The following CPNE4 variants were observed in gnomAD, a reference collection of about 807,000 sequenced individuals.
The protein encoded by CPNE4 is copine 4, also known as copine-4.
In CPNE4, 25 loss-of-function variants were observed where a neutral mutation model predicts 67.9. The observed-to-expected ratio is 0.37, with a 90% CI of 0.27 to 0.51. The LOEUF (loss-of-function observed/expected upper bound fraction) is 0.51. Among genes scored for constraint, CPNE4 ranks in the 20% least tolerant of loss-of-function variants. CPNE4 has a pLI of 0.93. For missense variants in CPNE4, 464 were observed against 690.8 expected (o/e 0.67, Z 3.68); for synonymous variants, 242 against 244.9 (o/e 0.99, Z 0.11).
chr3:131,789,626 T>C (rs753395924), intron 2 of CPNE4, among the ~76,000 whole-genome samples: 20 of 152,188 alleles, frequency 1.3e-4, no homozygotes, highest in Non-Finnish European at 2.5e-4. Context: ...ACTATGTCAC[T>C]GTTTGCTATG....
chr3:131,815,650 T>TTGGA (rs963635377), intron 2 of CPNE4, among the ~76,000 whole-genome samples: 9 of 152,300 alleles, frequency 5.9e-5, no homozygotes, highest in African/African-American at 2.2e-4. Context: ...AGACAAGGTG[T>TTGGA]TGGAACAAAG....
At chr3:131,664,084 T>G (rs2080200000) in intron 7 of CPNE4, among the ~76,000 whole-genome samples, 1 of 152,168 alleles carries the variant, frequency 6.6e-6, no homozygotes, top group Non-Finnish European at 1.5e-5. Flanking sequence ...TCCATGTTAC[T>G]TGTGTGGTTT....
intron 7 of CPNE4, among the ~76,000 whole-genome samples, chr3:131,647,244 A>G (rs2079689642): frequency 6.6e-6 from 1 of 152,240 alleles, no homozygotes; most frequent in East Asian, 1.9e-4. Flanking sequence ...TTTAGAATAC[A>G]TAAGATATAT....
chr3:131,579,798 G>C (rs1405210125), intron 9 of CPNE4, among the ~76,000 whole-genome samples: 1 of 152,166 alleles, frequency 6.6e-6, no homozygotes. Context: ...GAATGGATGA[G>C]GAGTTAATTC....
In CPNE4 at chr3:131,534,433, C is replaced by T. The variant is rs1302487231; in HGVS notation, c.*762G>A. On this transcript the variant is annotated 3_prime_UTR_variant, in exon 16 of 16. Coordinates refer to ENST00000429747, the MANE Select transcript of CPNE4 (RefSeq NM_130808.3). The stretch of plus-strand genomic sequence containing the variant: ...CATGACACCCTAAAGTCTAGATCCT[C>T]ACTCCTCTTGGTATAGTCCAGGGAC... The T allele has an allele frequency of 1.3e-5, 2 of 152,214 alleles. No homozygotes were observed. Among genetic ancestry groups the T allele is most frequent in the East Asian group, 3.9e-4 (2 of 5,190 alleles). 9.4% of individuals were successfully genotyped at this position (152,214 alleles called of 1,614,324 possible).
At chr3:131,682,997 T>G (rs1366738107) in intron 6 of CPNE4, among the ~76,000 whole-genome samples, 1 of 151,998 alleles carries the variant, frequency 6.6e-6, no homozygotes, top group Non-Finnish European at 1.5e-5. Context: ...CAGCTTGTGG[T>G]GAATGCTCCC....
chr3:131,977,658 A>T (rs2072699827), intron 1 of CPNE4, among the ~76,000 whole-genome samples: 2 of 152,114 alleles, frequency 1.3e-5, no homozygotes, highest in Admixed American at 6.6e-5. Flanking sequence ...TTTTTTAAAA[A>T]TTTTCCTACA....
At chr3:131,666,500 T>A (rs2080266206) in intron 7 of CPNE4, among the ~76,000 whole-genome samples, 1 of 152,158 alleles carries the variant, frequency 6.6e-6, no homozygotes, top group Non-Finnish European at 1.5e-5. Flanking sequence ...GCAAGGACGT[T>A]ATCAAGCAAG....
chr3:131,843,948 T>C (rs1156434582), intron 2 of CPNE4, among the ~76,000 whole-genome samples: 1 of 152,166 alleles, frequency 6.6e-6, no homozygotes, highest in Non-Finnish European at 1.5e-5. Context: ...AATATGGCCT[T>C]AACACACACA....
At chr3:131,745,900 C>A (rs986479089) in intron 2 of CPNE4, among the ~76,000 whole-genome samples, 3 of 152,022 alleles carry the variant, frequency 2.0e-5, no homozygotes, top group Admixed American at 6.5e-5. Context: ...TTTAGAACAA[C>A]CTTGTCTATA....
intron 2 of CPNE4, among the ~76,000 whole-genome samples, chr3:131,875,323 T>A (rs900317709): frequency 6.6e-6 from 1 of 152,178 alleles, no homozygotes; most frequent in Non-Finnish European, 1.5e-5. Flanking sequence ...ATCCCATTAC[T>A]GGGTATATAC....
intron 2 of CPNE4, among the ~76,000 whole-genome samples, chr3:131,847,992 C>T (rs371656091): frequency 3.3e-5 from 5 of 152,278 alleles, no homozygotes; most frequent in Admixed American, 2.0e-4. Flanking sequence ...CACTCTTCTT[C>T]TTCATTCTGC....
At chr3:131,919,122 A>G (rs1021257540) in intron 1 of CPNE4, among the ~76,000 whole-genome samples, 1 of 152,162 alleles carries the variant, frequency 6.6e-6, no homozygotes, top group East Asian at 1.9e-4. Flanking sequence ...GGATTCAGCA[A>G]CTTAAGTCAG....
chr3:131,977,228 TA>T, intron 1 of CPNE4, among the ~76,000 whole-genome samples: 1 of 152,292 alleles, frequency 6.6e-6, no homozygotes, highest in African/African-American at 2.4e-5. Flanking sequence ...ATCTTGGAGC[TA>T]AAGGGTAAAG....
chr3:131,704,231 T>C (rs920680252), intron 3 of CPNE4, among the ~76,000 whole-genome samples: 2 of 152,190 alleles, frequency 1.3e-5, no homozygotes, highest in Non-Finnish European at 2.9e-5. Context: ...TGGTAGGGCT[T>C]CCAACAGCCA....
chr3:131,545,822 G>T (rs1426120265), intron 14 of CPNE4, among the ~76,000 whole-genome samples: 1 of 152,190 alleles, frequency 6.6e-6, no homozygotes, highest in Non-Finnish European at 1.5e-5. Context: ...CTAGCACTTT[G>T]GAAGGCCTAG....
At chr3:131,829,052 T>A (rs1335156402) in intron 2 of CPNE4, among the ~76,000 whole-genome samples, 2 of 152,170 alleles carry the variant, frequency 1.3e-5, no homozygotes, top group East Asian at 1.9e-4. Flanking sequence ...GAGGAGCAAG[T>A]CACGTCTTAC....
chr3:131,944,004 A>G (rs1048290507), intron 1 of CPNE4, among the ~76,000 whole-genome samples: 6 of 152,000 alleles, frequency 3.9e-5, no homozygotes, highest in Non-Finnish European at 5.9e-5. Context: ...TTCTATCACC[A>G]TGCTTATTAT....
intron 2 of CPNE4, among the ~76,000 whole-genome samples, chr3:131,871,576 G>T (rs1168383448): frequency 6.6e-6 from 1 of 152,174 alleles, no homozygotes; most frequent in African/African-American, 2.4e-5. Flanking sequence ...TGTGGGTCCA[G>T]ATAGAGCAGG....
Sources: gnomAD v4.1 joint callset for allele counts (sites outside exome capture counted in the v4.1 genomes callset) on GRCh38, gnomAD v4.1.1 for gene constraint, MANE v1.5 for transcripts, NCBI Gene and HGNC (gene_info 2026-07-23, HGNC 2026-07-21) for gene names.